NCALD: variants seen among roughly 807,000 people sequenced by gnomAD.
NCALD encodes neurocalcin delta.
Under a neutral mutation model 18.6 loss-of-function variants are expected in NCALD, and 10 were observed. The ratio of observed to expected loss-of-function variants is 0.54; its 90% CI spans 0.33 to 0.91. The LOEUF (loss-of-function observed/expected upper bound fraction) is 0.91. NCALD is among the 40% of genes least tolerant of loss of function. NCALD has a pLI of 0.03. For synonymous variants in NCALD, 88 were observed against 87.4 expected (o/e 1.01, Z -0.04); for missense variants, 184 against 247.6 (o/e 0.74, Z 1.72).
At position 101,887,845 on chromosome 8, in the gene NCALD, A is replaced by G. The variant is rs111954932; in HGVS notation, c.-106-618T>C. On this transcript the variant is annotated intron_variant, in intron 3 of 6. Transcript: ENST00000311028. ...TTCATTGAGCTGGGGAAAAAACCCA[A>G]AAGTAAGACTGGTTTTGGGAAACCA... Among the ~76,000 whole-genome samples the G allele has an allele frequency of 1.3e-3, 192 of 152,268 alleles. 1 individual carries two copies. Among genetic ancestry groups the G allele is most frequent in the African/African-American group, 4.5e-3 (187 of 41,560 alleles).
At chr8:102,098,688 G>A (rs1825179769) in intron 1 of NCALD, among the ~76,000 whole-genome samples, 1 of 152,162 alleles carries the variant, frequency 6.6e-6, no homozygotes, top group Non-Finnish European at 1.5e-5. Context: ...GAGTTTTGAA[G>A]CATCTTTTTT....
intron 2 of NCALD, among the ~76,000 whole-genome samples, chr8:101,701,377 G>A (rs1429327639): frequency 6.6e-6 from 1 of 152,138 alleles, no homozygotes; most frequent in Non-Finnish European, 1.5e-5. Flanking sequence ...GAGAGGTCTA[G>A]CAGGGTCATC....
chr8:102,001,852 A>G (rs184555271), intron 2 of NCALD, among the ~76,000 whole-genome samples: 23 of 152,312 alleles, frequency 1.5e-4, no homozygotes, highest in East Asian at 3.9e-4. Context: ...CACCAGGCCT[A>G]ACCTAAAAGA....
At chr8:101,991,033 C>T (rs1237425047) in intron 2 of NCALD, among the ~76,000 whole-genome samples, 6 of 152,158 alleles carry the variant, frequency 3.9e-5, no homozygotes, top group African/African-American at 1.4e-4. Flanking sequence ...CTTAGCTAGG[C>T]TCTAATTTGG....
intron 2 of NCALD, among the ~76,000 whole-genome samples, chr8:101,969,195 T>C (rs1423915736): frequency 6.6e-6 from 1 of 152,192 alleles, no homozygotes; most frequent in East Asian, 1.9e-4. Flanking sequence ...TACAGTTATT[T>C]TTAATTCAAA....
chr8:101,877,474 T>TGGCTACCCAGCATTCCC (rs1221970094), intron 4 of NCALD, among the ~76,000 whole-genome samples: 1 of 152,142 alleles, frequency 6.6e-6, no homozygotes, highest in African/African-American at 2.4e-5. Context: ...CCAGCATTCC[T>TGGCTACCCAGCATTCCC]GGCTACCCAG....
chr8:101,691,471 C>G, intron 3 of NCALD: 1 of 985,300 alleles, frequency 1.0e-6, no homozygotes, highest in Non-Finnish European at 1.2e-6. Context: ...CCTGTGACAT[C>G]TGATCTTCTC....
At chr8:101,953,759 T>G (rs2074427933) in intron 2 of NCALD, among the ~76,000 whole-genome samples, 1 of 152,274 alleles carries the variant, frequency 6.6e-6, no homozygotes, top group African/African-American at 2.4e-5. Flanking sequence ...TCATACAGAA[T>G]TGTGACTGCG....
At chr8:101,802,462 T>C (rs1586541171) in intron 4 of NCALD, among the ~76,000 whole-genome samples, 1 of 152,066 alleles carries the variant, frequency 6.6e-6, no homozygotes, top group African/African-American at 2.4e-5. Flanking sequence ...GAAAAGCGTG[T>C]TGAAAGCCAA....
In NCALD at chr8:101,687,976, T is replaced by G. The variant is rs1814540032; in HGVS notation, c.*1333A>C. 1 of 152,196 alleles carries G rather than the reference T, an allele frequency of 6.6e-6. No homozygotes were observed. The highest frequency in any genetic ancestry group is 1.5e-5 in the Non-Finnish European group (1 of 68,034). The allele number at this position is 152,196 out of a possible 1,614,324, so 9.4% of individuals were successfully genotyped here. A position where few individuals can be genotyped will look rare whatever the true frequency, so the allele number is the denominator to read the frequency against. On this transcript the variant is annotated 3_prime_UTR_variant, in exon 4 of 4. Coordinates refer to ENST00000220931, the MANE Select transcript of NCALD (RefSeq NM_032041.3). ...ACCACAGACACACTTGCCCATGTCT[T>G]TATGATGAATTTGATGACTGCCCAA...
chr8:101,956,108 T>G (rs1352651243), intron 2 of NCALD, among the ~76,000 whole-genome samples: 8 of 152,162 alleles, frequency 5.3e-5, no homozygotes, highest in Non-Finnish European at 1.0e-4. Flanking sequence ...AAGTTTGAAA[T>G]TATAATTTAA....
At chr8:101,781,164 T>C (rs996207077) in intron 1 of NCALD, among the ~76,000 whole-genome samples, 1 of 136,186 alleles carries the variant, frequency 7.3e-6, no homozygotes, top group African/African-American at 2.8e-5. Context: ...TTTTGTGAAA[T>C]ATATTCTGAA....
intron 1 of NCALD, among the ~76,000 whole-genome samples, chr8:102,085,020 G>C (rs974358913): frequency 6.6e-6 from 1 of 152,126 alleles, no homozygotes; most frequent in Non-Finnish European, 1.5e-5. Context: ...CGTATCTTTT[G>C]ATTTGCTAGT....
At chr8:101,856,806 G>A (rs999373956) in intron 4 of NCALD, among the ~76,000 whole-genome samples, 7 of 152,000 alleles carry the variant, frequency 4.6e-5, no homozygotes, top group Admixed American at 2.6e-4. Flanking sequence ...ACAGTGCCAC[G>A]TCATGACACA....
At chr8:102,010,750 A>C (rs540873684) in intron 2 of NCALD, among the ~76,000 whole-genome samples, 1 of 152,314 alleles carries the variant, frequency 6.6e-6, no homozygotes, top group East Asian at 1.9e-4. Context: ...TAGAGATAAC[A>C]ATTTTCCTTT....
intron 1 of NCALD, among the ~76,000 whole-genome samples, chr8:102,034,394 T>A (rs1586955969): frequency 6.6e-6 from 1 of 152,338 alleles, no homozygotes; most frequent in East Asian, 1.9e-4. Flanking sequence ...AACAGAAGCA[T>A]TATAATGTTG....
chr8:101,794,094 C>T (rs1812546253), upstream of NCALD, among the ~76,000 whole-genome samples: 1 of 152,202 alleles, frequency 6.6e-6, no homozygotes, highest in African/African-American at 2.4e-5. Context: ...GCAGTACCTA[C>T]ATCTTAAGGT....
chr8:102,059,897 G>A (rs530103948), intron 1 of NCALD, among the ~76,000 whole-genome samples: 3 of 152,324 alleles, frequency 2.0e-5, no homozygotes, highest in East Asian at 3.9e-4. Context: ...AAACACAGCT[G>A]CCAGGGGGCC....
chr8:102,073,214 T>C (rs1427223907), intron 1 of NCALD, among the ~76,000 whole-genome samples: 1 of 152,144 alleles, frequency 6.6e-6, no homozygotes, highest in Non-Finnish European at 1.5e-5. Context: ...GGAAGGAGAA[T>C]TGCTTGAAGC....
Sources: allele counts gnomAD v4.1 joint callset (sites outside exome capture counted in the v4.1 genomes callset), GRCh38; gene constraint gnomAD v4.1.1; transcripts MANE v1.5; gene names NCBI Gene and HGNC (gene_info 2026-07-23, HGNC 2026-07-21).